TSHZ2: variants seen among roughly 807,000 people sequenced by gnomAD.
TSHZ2 encodes the protein teashirt zinc finger homeobox 2.
TSHZ2 carries 21 observed loss-of-function variants against 74.4 expected under a neutral mutation model. The ratio of observed to expected loss-of-function variants is 0.28; its 90% CI spans 0.20 to 0.41. The LOEUF (loss-of-function observed/expected upper bound fraction) is 0.41. Ranked by LOEUF, TSHZ2 falls within the 10% of genes least tolerant of loss-of-function variation. TSHZ2 has a pLI of 1.00. For synonymous variants in TSHZ2, 540 were observed against 515.3 expected, an observed-to-expected ratio of 1.05 and a Z score of -0.65; for missense variants, 1,244 against 1,293.5, an observed-to-expected ratio of 0.96 and a Z score of 0.59.
At chr20:53,339,643 A>G (rs1442804928) in intron 2 of TSHZ2, among the ~76,000 whole-genome samples, 1 of 152,178 alleles carries the variant, frequency 6.6e-6, no homozygotes, top group Non-Finnish European at 1.5e-5. Context: ...ACAGGACGCT[A>G]TGCAGTTGCA....
chr20:53,448,381 T>C (rs1346509837), intron 2 of TSHZ2, among the ~76,000 whole-genome samples: 1 of 152,188 alleles, frequency 6.6e-6, no homozygotes, highest in African/African-American at 2.4e-5. Context: ...AGGTGTCTGG[T>C]GTCTCATTGT....
chr20:53,021,156 G>A (rs995843137), intron 1 of TSHZ2, among the ~76,000 whole-genome samples: 2 of 152,096 alleles, frequency 1.3e-5, no homozygotes, highest in Non-Finnish European at 2.9e-5. Context: ...TTCCCCTAAC[G>A]CTGTGGAATA....
rs139578370 is a variant in TSHZ2 at position 53,472,935 on chromosome 20, T to C, written c.*9-14209T>C. Reference sequence around the variant, plus strand: ...AATCGGGTCACTCTCACCCGAATACTGCGCTTTTCCGACGGGCTTAAAAAA... The same window carrying C: ...AATCGGGTCACTCTCACCCGAATACCGCGCTTTTCCGACGGGCTTAAAAAA... On this transcript the variant is annotated intron_variant, in intron 2 of 2. Transcript: ENST00000371497. Among the ~76,000 whole-genome samples, 7 of 151,972 alleles carry C rather than the reference T, an allele frequency of 4.6e-5. No homozygotes were observed. The East Asian group carries it at 1.4e-3, about 30-fold the overall frequency.
intron 1 of TSHZ2, among the ~76,000 whole-genome samples, chr20:53,212,850 A>G (rs1313115456): frequency 6.6e-6 from 1 of 152,106 alleles, no homozygotes; most frequent in Non-Finnish European, 1.5e-5. Context: ...TGGCTCAGGA[A>G]CCCATCCCTG....
chr20:53,182,758 C>G (rs767133746), intron 1 of TSHZ2, among the ~76,000 whole-genome samples: 17 of 152,122 alleles, frequency 1.1e-4, no homozygotes, highest in Non-Finnish European at 2.5e-4. Flanking sequence ...AGATGAGTGT[C>G]TCTCATCTTT....
At chr20:53,037,171 C>T (rs528324414) in intron 1 of TSHZ2, among the ~76,000 whole-genome samples, 6 of 152,296 alleles carry the variant, frequency 3.9e-5, no homozygotes, top group African/African-American at 1.4e-4. Flanking sequence ...TCGGGGCTTC[C>T]TGATAATTGC....
chr20:52,977,638 C>T (rs1981396831), intron 1 of TSHZ2, among the ~76,000 whole-genome samples: 1 of 152,160 alleles, frequency 6.6e-6, no homozygotes, highest in Admixed American at 6.5e-5. Context: ...TTCCCACCCC[C>T]GTCTTGATTT....
At chr20:53,211,869 T>G (rs1044593028) in intron 1 of TSHZ2, among the ~76,000 whole-genome samples, 2 of 152,204 alleles carry the variant, frequency 1.3e-5, no homozygotes, top group Non-Finnish European at 2.9e-5. Flanking sequence ...AGGTAACTTT[T>G]CAACACTCAT....
intron 2 of TSHZ2, among the ~76,000 whole-genome samples, chr20:53,371,421 A>G (rs1286684637): frequency 6.6e-6 from 1 of 152,258 alleles, no homozygotes; most frequent in Non-Finnish European, 1.5e-5. Context: ...TCCTGGCTGC[A>G]AGACCCAGGT....
At chr20:53,011,188 TG>T (rs1982837641) in intron 1 of TSHZ2, among the ~76,000 whole-genome samples, 1 of 152,178 alleles carries the variant, frequency 6.6e-6, no homozygotes, top group African/African-American at 2.4e-5. Context: ...TTGTTTGCTG[TG>T]TTTTAAGTTA....
chr20:53,313,475 G>A lies in TSHZ2; in HGVS notation c.*8+56904G>A, dbSNP rs572838703. On this transcript the variant is annotated intron_variant, in intron 2 of 2. Coordinates refer to ENST00000371497, the MANE Select transcript of TSHZ2 (RefSeq NM_173485.6). ...GCCCTGGGGTCCCTACAGCATAAAA[G>A]GAGTTGTTTGACTTCACTTTGCAGG... 1.5e-4 allele frequency among the ~76,000 whole-genome samples: 23 copies of A among 152,330 alleles called. No individual in the cohort carries two copies. The South Asian group carries it at 4.6e-3, about 30-fold the overall frequency.
chr20:53,284,529 T>C (rs1991127519), intron 2 of TSHZ2, among the ~76,000 whole-genome samples: 2 of 152,222 alleles, frequency 1.3e-5, no homozygotes, highest in Admixed American at 1.3e-4. Flanking sequence ...TGATGCACAT[T>C]AATGGGATAA....
At chr20:53,152,888 G>A (rs116791604) in intron 1 of TSHZ2, among the ~76,000 whole-genome samples, 1 of 152,148 alleles carries the variant, frequency 6.6e-6, no homozygotes, top group African/African-American at 2.4e-5. Flanking sequence ...GCTACCAGGG[G>A]CTTTGAGGAC....
chr20:53,256,673 G>A lies in TSHZ2; in HGVS notation c.*8+102G>A. The A allele has an allele frequency of 1.4e-6, 2 of 1,446,452 alleles. No homozygotes were observed. Among genetic ancestry groups the A allele is most frequent in the Non-Finnish European group, 1.8e-6 (2 of 1,096,640 alleles). The allele number at this position is 1,446,452 out of a possible 1,614,324, so 89.6% of individuals were successfully genotyped here. On this transcript the variant is annotated intron_variant, in intron 2 of 2. Coordinates refer to ENST00000371497, the MANE Select transcript of TSHZ2 (RefSeq NM_173485.6). The surrounding 1 kb of genome is among the most constrained non-coding windows in gnomAD (Gnocchi z 4.3). ...AGCTAGCATCTCCCAATGCCAAGCA[G>A]GATAGTAGCTTGCTGGAGTAGGATT...
intron 1 of TSHZ2, among the ~76,000 whole-genome samples, chr20:53,070,343 CCCTGTCTAATAG>C (rs1392682355): frequency 6.6e-6 from 1 of 152,100 alleles, no homozygotes; most frequent in Non-Finnish European, 1.5e-5. Context: ...CACAGAGAAA[CCCTGTCTAATAG>C]CCTATCTTAA....
At chr20:53,076,736 A>T (rs1316738640) in intron 1 of TSHZ2, among the ~76,000 whole-genome samples, 1 of 152,244 alleles carries the variant, frequency 6.6e-6, no homozygotes, top group Admixed American at 6.5e-5. Flanking sequence ...AACATGAGGC[A>T]GGAAGATGTT....
chr20:53,042,665 T>A (rs1001094613), intron 1 of TSHZ2, among the ~76,000 whole-genome samples: 4 of 147,594 alleles, frequency 2.7e-5, no homozygotes, highest in African/African-American at 1.0e-4. Context: ...CATTTATCCA[T>A]GCTATTAACT....
chr20:53,343,503 C>T (rs958508370), intron 2 of TSHZ2, among the ~76,000 whole-genome samples: 14 of 152,190 alleles, frequency 9.2e-5, no homozygotes, highest in African/African-American at 2.7e-4. Context: ...ACATTCCGGA[C>T]GACCAATTGG....
At chr20:53,058,376 C>A (rs1984711872) in intron 1 of TSHZ2, among the ~76,000 whole-genome samples, 1 of 152,238 alleles carries the variant, frequency 6.6e-6, no homozygotes, top group African/African-American at 2.4e-5. Context: ...CTTGATAAAT[C>A]TACCTAGTCA....
Sources: gnomAD v4.1 joint callset for allele counts (sites outside exome capture counted in the v4.1 genomes callset) on GRCh38, gnomAD v4.1.1 for gene constraint, Gnocchi (gnomAD v3.1) non-coding constraint, MANE v1.5 for transcripts, NCBI Gene and HGNC (gene_info 2026-07-23, HGNC 2026-07-21) for gene names.